UIMC1: variants seen among roughly 807,000 people sequenced by gnomAD.
UIMC1 encodes the protein BRCA1-A complex subunit RAP80.
Under a neutral mutation model 84.9 loss-of-function variants are expected in UIMC1, and 42 were observed. The observed-to-expected ratio is 0.49, with a 90% CI of 0.39 to 0.64. The LOEUF (loss-of-function observed/expected upper bound fraction) is 0.64, where lower values mean the gene tolerates loss of function less well. UIMC1 is among the 30% of genes least tolerant of loss of function. The probability of loss-of-function intolerance (pLI) is 0.00; values close to 1 mark genes in which losing one functional copy is unlikely to be tolerated. For missense variants in UIMC1, 825 were observed against 847.6 expected (o/e 0.97, Z 0.33); for synonymous variants, 281 against 293.0 (o/e 0.96, Z 0.42).
chr5:176,907,232 A>AACTTCC, intron 12 of UIMC1, 55 bp from the exon 13 acceptor site: 2 of 1,512,702 alleles, frequency 1.3e-6, no homozygotes, highest in Non-Finnish European at 1.8e-6. Flanking sequence ...TCTAAAATAC[A>AACTTCC]ACTTCCACAG....
chr5:177,004,498 A>G (rs1774994667), intron 1 of UIMC1, among the ~76,000 whole-genome samples: 1 of 152,204 alleles, frequency 6.6e-6, no homozygotes, highest in African/African-American at 2.4e-5. Context: ...ATAATGGTCT[A>G]TCTTCACTTA....
Position 176,960,725 on chromosome 5 carries a change from T to C in UIMC1, c.1201-2571A>G. On this transcript the variant is annotated intron_variant, in intron 6 of 14. Transcript: ENST00000511320. ...TGGACTGTACTGCTGCCATCTCGGC[T>C]CACTGCAACCTCCCTGCCTGATTCT... Among the ~76,000 whole-genome samples the C allele has an allele frequency of 3.3e-5, 2 of 60,680 alleles. 1 individual carries two copies. The highest frequency in any genetic ancestry group is 5.7e-5 in the Non-Finnish European group (2 of 35,078). The allele number at this position is 60,680 out of a possible 152,430, so 39.8% of individuals were successfully genotyped here.
intron 13 of UIMC1, among the ~76,000 whole-genome samples, chr5:176,906,382 A>G (rs1293560640): frequency 1.3e-5 from 2 of 152,206 alleles, no homozygotes; most frequent in Admixed American, 1.3e-4. Context: ...TGAGGCTGGG[A>G]GAGGCTGCCT....
chr5:177,007,271 C>T (rs1250916671), upstream of UIMC1, among the ~76,000 whole-genome samples: 3 of 137,538 alleles, frequency 2.2e-5, no homozygotes, highest in Admixed American at 1.6e-4. Flanking sequence ...ATCCGGGAGG[C>T]GGAGGATGCA....
At chr5:176,941,332 G>A (rs765333592) in intron 10 of UIMC1, among the ~76,000 whole-genome samples, 3 of 152,132 alleles carry the variant, frequency 2.0e-5, no homozygotes, top group Non-Finnish European at 4.4e-5. Context: ...AAAAAGACAA[G>A]TTGCAGAATA....
chr5:177,009,506 T>A (rs1581737261), upstream of UIMC1, among the ~76,000 whole-genome samples: 1 of 152,306 alleles, frequency 6.6e-6, no homozygotes, highest in East Asian at 1.9e-4. This position sits in a 1 kb window ranked among gnomAD's most constrained non-coding sequence, Gnocchi z 4.3. Flanking sequence ...CCATTATGAG[T>A]CATGTTTTTC....
chr5:176,999,313 G>A (rs1774104451), intron 1 of UIMC1, among the ~76,000 whole-genome samples: 1 of 151,996 alleles, frequency 6.6e-6, no homozygotes, highest in African/African-American at 2.4e-5. Context: ...ATATTTATGG[G>A]ATACATGAGA....
intron 9 of UIMC1, among the ~76,000 whole-genome samples, chr5:176,948,360 AAT>A (rs1244835204): frequency 1.3e-5 from 2 of 152,244 alleles, no homozygotes; most frequent in African/African-American, 4.8e-5. Context: ...GCAGTAAAAT[AAT>A]ATGACTTTCC....
At chr5:176,926,105 C>T (rs1433138571) in intron 10 of UIMC1, among the ~76,000 whole-genome samples, 2 of 151,618 alleles carry the variant, frequency 1.3e-5, no homozygotes, top group African/African-American at 4.9e-5. Flanking sequence ...AATAAAATAA[C>T]GGAGGGAAAA....
At chr5:177,003,359 T>C (rs979758511) in intron 1 of UIMC1, among the ~76,000 whole-genome samples, 1 of 152,032 alleles carries the variant, frequency 6.6e-6, no homozygotes, top group Non-Finnish European at 1.5e-5. Flanking sequence ...ATGGAGGATA[T>C]AAAACTTAAG....
intron 3 of UIMC1, among the ~76,000 whole-genome samples, chr5:176,971,608 A>G (rs1272682638): frequency 6.6e-6 from 1 of 152,200 alleles, no homozygotes; most frequent in African/African-American, 2.4e-5. Context: ...CATCAAATAT[A>G]TTTAAATCTG....
At chr5:177,019,482 AT>A (rs1396889748) in intron 1 of UIMC1, among the ~76,000 whole-genome samples, 1 of 151,550 alleles carries the variant, frequency 6.6e-6, no homozygotes, top group Non-Finnish European at 1.5e-5. Context: ...CAAAAAAAAA[AT>A]TTTTTTTAAT....
At position 176,969,658 on chromosome 5, in the gene UIMC1, T is replaced by C. The variant is rs1297690737; in HGVS notation, c.406A>G (p.Thr136Ala). Residue 136 changes from threonine to alanine, a missense_variant, in exon 5 of 15, where the codon ACT (threonine) becomes GCT (alanine). Transcript: ENST00000511320. ...TGATGGGACTGGGAAGACGGTCCAG[T>C]GGCCAGAGGTCGAGATCTGGTAGCG... ...ASATRSRPLA[T>A]GPSSQSHQEK... 6 of 1,614,076 alleles carry C rather than the reference T, an allele frequency of 3.7e-6. No homozygotes were observed. In the Admixed American group the frequency reaches 5.0e-5, roughly 13 times the overall value.
intron 2 of UIMC1, among the ~76,000 whole-genome samples, chr5:176,979,589 C>T (rs993014317): frequency 2.0e-5 from 3 of 146,698 alleles, no homozygotes; most frequent in Admixed American, 1.4e-4. Context: ...GGCAACAAAG[C>T]GAGACTTCAT....
At chr5:176,936,091 A>G (rs1194004176) in intron 10 of UIMC1, among the ~76,000 whole-genome samples, 1 of 152,180 alleles carries the variant, frequency 6.6e-6, no homozygotes, top group Non-Finnish European at 1.5e-5. Flanking sequence ...CTACCCAACT[A>G]GTGGCTTATC....
chr5:176,961,649 GC>G (rs1767459265), intron 6 of UIMC1, among the ~76,000 whole-genome samples: 1 of 26,728 alleles, frequency 3.7e-5, no homozygotes, highest in South Asian at 2.2e-3. Context: ...GGGGGGGTCA[GC>G]CCCCCGCCCG....
intron 13 of UIMC1, among the ~76,000 whole-genome samples, chr5:176,906,858 T>C (rs757278013): frequency 2.0e-5 from 3 of 152,264 alleles, no homozygotes; most frequent in Non-Finnish European, 2.9e-5. Context: ...TGTGTTTTGA[T>C]AGTGTTTTTT....
intron 8 of UIMC1, among the ~76,000 whole-genome samples, chr5:176,952,064 CATA>C (rs1309929167): frequency 6.6e-6 from 1 of 152,208 alleles, no homozygotes; most frequent in Non-Finnish European, 1.5e-5. Context: ...CATGTCGTCA[CATA>C]ATATCAATAG....
intron 12 of UIMC1, 168 bp from the exon 13 acceptor site, chr5:176,907,345 A>C: frequency 1.6e-6 from 1 of 608,850 alleles, no homozygotes; most frequent in Non-Finnish European, 2.9e-6. Flanking sequence ...TGAAAAAGCA[A>C]ACTATAATGA....
Sources: allele counts gnomAD v4.1 joint callset (sites outside exome capture counted in the v4.1 genomes callset), GRCh38; gene constraint gnomAD v4.1.1; non-coding constraint Gnocchi (gnomAD v3.1); transcripts MANE v1.5; gene names NCBI Gene and HGNC (gene_info 2026-07-23, HGNC 2026-07-21).